The following ADGRE1 variants were observed in gnomAD, a reference collection of about 807,000 sequenced individuals.
The protein encoded by ADGRE1 is EGF-like module receptor 1.
Under a neutral mutation model 102.7 loss-of-function variants are expected in ADGRE1, and 82 were observed. That is an observed-to-expected ratio of 0.80 (90% CI 0.67 to 0.96). The LOEUF (loss-of-function observed/expected upper bound fraction) is 0.96, where lower values mean the gene tolerates loss of function less well. Among genes scored for constraint, ADGRE1 ranks in the 40% least tolerant of loss-of-function variants. ADGRE1 has a pLI of 0.00. For missense variants in ADGRE1, 1,032 were observed against 1,085.3 expected, an observed-to-expected ratio of 0.95 and a Z score of 0.69; for synonymous variants, 398 against 399.6, an observed-to-expected ratio of 1.00 and a Z score of 0.05.
intron 18 of ADGRE1, among the ~76,000 whole-genome samples, chr19:6,935,450 C>T (rs1011175811): frequency 1.3e-5 from 2 of 152,162 alleles, no homozygotes; most frequent in African/African-American, 4.8e-5. Context: ...TATATGTGCA[C>T]ATTTACAAGA....
intron 17 of ADGRE1, 84 bp from the exon 18 acceptor site, chr19:6,934,903 A>G (rs1975330916): frequency 2.2e-6 from 2 of 921,834 alleles, no homozygotes; most frequent in Non-Finnish European, 3.1e-6. Flanking sequence ...CACCACGCCC[A>G]GCCCAGAGTT....
At position 6,924,570 on chromosome 19, in the gene ADGRE1, T is replaced by C. The variant is rs865903082; in HGVS notation, c.1792-108T>C. 4.0e-5 allele frequency: 37 copies of C among 916,928 alleles called. No individual in the cohort carries two copies. In the East Asian group the frequency reaches 8.7e-4, roughly 22 times the overall value. The allele number at this position is 916,928 out of a possible 1,614,324, so 56.8% of individuals were successfully genotyped here. ...CACTCTGAGTGTTAGAGGGAGAAAA[T>C]TCCCCCAAGCTAATTTTGCCCGAGC... On this transcript the variant is annotated intron_variant, in intron 14 of 20. Transcript: ENST00000312053.
intron 12 of ADGRE1, among the ~76,000 whole-genome samples, chr19:6,918,921 C>T (rs764062654): frequency 5.3e-5 from 8 of 152,192 alleles, no homozygotes; most frequent in South Asian, 2.1e-4. Flanking sequence ...GACAGGATTT[C>T]ACCATATTGG....
Position 6,913,675 on chromosome 19 carries a change from C to T in ADGRE1, c.1145C>T (p.Pro382Leu), listed in dbSNP as rs1408566124. The T allele has an allele frequency of 6.2e-7, 1 of 1,608,974 alleles. No individual in the cohort carries two copies. Among genetic ancestry groups the T allele is most frequent in the South Asian group, 1.1e-5 (1 of 89,902 alleles). ...SLKNTTESFV[P>L]VLKQISTWTK... is the part of the protein sequence containing the mutation. The stretch of plus-strand genomic sequence containing the variant: ...CAGAATACAACTGAGAGCTTTGTCC[C>T]TGTGCTTAAACAAATATCCACGTGG... Residue 382 changes from proline to leucine, a missense_variant, in exon 11 of 21, where the codon CCT becomes CTT. Physicochemically the swap from Pro to Leu is moderately conservative, Grantham distance 98 (BLOSUM62 -3). Transcript: ENST00000312053.
chr19:6,938,784 TC>T (rs1975545515), intron 20 of ADGRE1, among the ~76,000 whole-genome samples: 1 of 148,232 alleles, frequency 6.7e-6, no homozygotes, highest in African/African-American at 2.5e-5. Context: ...TTTCTTTCTT[TC>T]TTTCTTTCTT....
chr19:6,922,945 C>T (rs921883211), intron 14 of ADGRE1, among the ~76,000 whole-genome samples: 15 of 151,566 alleles, frequency 9.9e-5, no homozygotes, highest in Middle Eastern at 3.5e-3. Flanking sequence ...GGCGTGGTGG[C>T]GGGCACCTGC....
At chr19:6,918,210 C>T (rs11879361) in intron 12 of ADGRE1, among the ~76,000 whole-genome samples, 1,817 of 152,178 alleles carry the variant, frequency 0.012, 28 homozygotes, top group African/African-American at 0.041. Flanking sequence ...GAGGCCAAGG[C>T]GGGCAGATCA....
At chr19:6,919,836 A>C in intron 13 of ADGRE1, 89 bp downstream of exon 13, 3 of 1,322,916 alleles carry the variant, frequency 2.3e-6, no homozygotes, top group Non-Finnish European at 3.2e-6. Flanking sequence ...TTTTACGGGA[A>C]GCTATTGAGG....
chr19:6,897,669 A>T, intron 5 of ADGRE1, 122 bp downstream of exon 5: 17 of 1,063,886 alleles, frequency 1.6e-5, no homozygotes, highest in Non-Finnish European at 2.2e-5. Context: ...TCAGAGAGGT[A>T]AAAATATATA....
chr19:6,889,142 GA>G lies in ADGRE1; in HGVS notation c.32-1338del, dbSNP rs544100645. ...TGATAATGGTGATGATAGGGATAATGATGATGATGGTGGTGATGATGGTGTG... is the reference window on the plus strand; with the variant it reads ...TGATAATGGTGATGATAGGGATAATGTGATGATGGTGGTGATGATGGTGTG... On this transcript the variant is annotated intron_variant, in intron 1 of 20. Coordinates refer to ENST00000312053, the MANE Select transcript of ADGRE1 (RefSeq NM_001974.5). Among the ~76,000 whole-genome samples, 343 of 151,920 alleles carry G rather than the reference GA, an allele frequency of 2.3e-3. 5 individuals are homozygous for G. Among genetic ancestry groups the G allele is most frequent in the African/African-American group, 7.8e-3 (322 of 41,366 alleles).
chr19:6,904,290 A>G, intron 8 of ADGRE1, 108 bp downstream of exon 8: 1 of 1,362,492 alleles, frequency 7.3e-7, no homozygotes, highest in Middle Eastern at 2.2e-4. Flanking sequence ...TGCCTCATCC[A>G]CATATTCTGT....
rs570684234 is a variant in ADGRE1, at chr19:6,912,180, A to T, written c.1123-1473A>T. On this transcript the variant is annotated intron_variant, in intron 10 of 20. Transcript: ENST00000312053. The stretch of plus-strand genomic sequence containing the variant: ...TACACAGAGATATACACACATGCAC[A>T]CGCATGTACACAACCCAACACATAC... 9.2e-5 allele frequency among the ~76,000 whole-genome samples: 14 copies of T among 152,208 alleles called. No individual in the cohort carries two copies. In the South Asian group the frequency reaches 2.7e-3, roughly 29 times the overall value.
chr19:6,925,102 C>CT (rs1051811940), intron 15 of ADGRE1, among the ~76,000 whole-genome samples: 17 of 152,174 alleles, frequency 1.1e-4, no homozygotes, highest in African/African-American at 2.9e-4. Flanking sequence ...GTGGTTCCTC[C>CT]TATTACTTGT....
intron 11 of ADGRE1, among the ~76,000 whole-genome samples, chr19:6,915,577 TG>T (rs1437111466): frequency 6.6e-6 from 1 of 152,130 alleles, no homozygotes; most frequent in Non-Finnish European, 1.5e-5. Flanking sequence ...TGAGCTCTTG[TG>T]TACCATGCTA....
At chr19:6,932,370 A>C (rs949003874) in intron 17 of ADGRE1, among the ~76,000 whole-genome samples, 3 of 152,172 alleles carry the variant, frequency 2.0e-5, no homozygotes, top group Non-Finnish European at 4.4e-5. Flanking sequence ...CAGGAGGCTG[A>C]GGCAGGAGAA....
At chr19:6,908,821 G>A (rs1484118281) in intron 10 of ADGRE1, 49 bp downstream of exon 10, 3 of 1,557,480 alleles carry the variant, frequency 1.9e-6, no homozygotes, top group African/African-American at 1.4e-5. Flanking sequence ...AACATCTTGG[G>A]CACACTTTGG....
At chr19:6,889,011 G>C (rs1216092704) in intron 1 of ADGRE1, among the ~76,000 whole-genome samples, 2 of 152,086 alleles carry the variant, frequency 1.3e-5, no homozygotes, top group Non-Finnish European at 2.9e-5. Context: ...TGATGATGGT[G>C]ATGGTGATGA....
chr19:6,928,954 A>G (rs1457769673), intron 17 of ADGRE1, among the ~76,000 whole-genome samples: 5 of 120,942 alleles, frequency 4.1e-5, no homozygotes, highest in Admixed American at 4.0e-4. Flanking sequence ...AAAAAAAAAA[A>G]AAGTTCTCCC....
intron 1 of ADGRE1, among the ~76,000 whole-genome samples, chr19:6,889,050 G>A (rs575260829): frequency 6.6e-6 from 1 of 152,058 alleles, no homozygotes; most frequent in South Asian, 2.1e-4. Context: ...TGATGATAGT[G>A]ATAATGAAGA....
Sources: gnomAD v4.1 joint callset for allele counts (sites outside exome capture counted in the v4.1 genomes callset) on GRCh38, gnomAD v4.1.1 for gene constraint, MANE v1.5 for transcripts, NCBI Gene and HGNC (gene_info 2026-07-23, HGNC 2026-07-21) for gene names.